Variants in KIF5C observed in about 807,000 individuals in gnomAD.
KIF5C encodes kinesin family member 5C.
In KIF5C, 18 loss-of-function variants were observed where a neutral mutation model predicts 125.2. That is an observed-to-expected ratio of 0.14 (90% confidence interval 0.10 to 0.21). The LOEUF is 0.21. KIF5C is among the 10% of genes least tolerant of loss of function. The pLI, the probability that KIF5C is intolerant of heterozygous loss-of-function variation, is 1.00. For missense variants in KIF5C, 780 were observed against 1,183.8 expected (o/e 0.66, Z 5.01); for synonymous variants, 405 against 434.0 (o/e 0.93, Z 0.83).
intron 12 of KIF5C, among the ~76,000 whole-genome samples, chr2:148,977,410 C>T (rs527947272): frequency 7.2e-5 from 11 of 152,112 alleles, no homozygotes; most frequent in East Asian, 1.9e-4. Context: ...GGTGGCTCTC[C>T]GATGGTAAAT....
intron 25 of KIF5C, among the ~76,000 whole-genome samples, chr2:149,021,877 A>G (rs1430079935): frequency 1.3e-5 from 2 of 152,116 alleles, no homozygotes; most frequent in South Asian, 2.1e-4. Context: ...GCTCTGCACA[A>G]AACCTATAGT....
chr2:148,884,971 GTTTTT>G (rs11319928), intron 1 of KIF5C, among the ~76,000 whole-genome samples: 1 of 104,294 alleles, frequency 9.6e-6, no homozygotes, highest in Non-Finnish European at 2.1e-5. Context: ...TGTCCTAATT[GTTTTT>G]TTTTTTTTTT....
intron 8 of KIF5C, among the ~76,000 whole-genome samples, chr2:148,949,107 A>G (rs1682595184): frequency 6.6e-6 from 1 of 152,164 alleles, no homozygotes; most frequent in Admixed American, 6.5e-5. Context: ...GACATGAATC[A>G]TGTTGAGTTC....
intron 1 of KIF5C, among the ~76,000 whole-genome samples, chr2:148,900,579 C>T (rs1369436806): frequency 6.6e-6 from 1 of 152,222 alleles, no homozygotes; most frequent in East Asian, 1.9e-4. Context: ...TTCCTGCCTC[C>T]TTTCTGACAG....
rs1381863341 is a variant in KIF5C, at chr2:148,997,117, T to C, written c.2024-147T>C. On this transcript the variant is annotated intron_variant, in intron 17 of 25. Transcript: ENST00000435030. ...TTGGCTTTAGCCAGAAGTCCTTGCC[T>C]GTTCCTTTATGCCATGGTTGTAATT... 2.2e-6 allele frequency: 3 copies of C among 1,353,140 alleles called. No homozygotes were observed. In the African/African-American group the frequency reaches 4.4e-5, roughly 20 times the overall value. The allele number at this position is 1,353,140 out of a possible 1,614,324, so 83.8% of individuals were successfully genotyped here. A position where few individuals can be genotyped will look rare whatever the true frequency, so the allele number is the denominator to read the frequency against.
intron 11 of KIF5C, among the ~76,000 whole-genome samples, chr2:148,971,198 T>C (rs1680892573): frequency 6.6e-6 from 1 of 152,182 alleles, no homozygotes; most frequent in Non-Finnish European, 1.5e-5. Flanking sequence ...CAAGTTTTAG[T>C]TGTATACTCC....
At chr2:148,953,790 G>A (rs978160194) in intron 10 of KIF5C, among the ~76,000 whole-genome samples, 3 of 152,140 alleles carry the variant, frequency 2.0e-5, no homozygotes, top group South Asian at 2.1e-4. Context: ...ATCCCTGAAG[G>A]CACTCTACCA....
chr2:148,904,014 G>C (rs551169605), intron 1 of KIF5C, among the ~76,000 whole-genome samples: 103 of 152,284 alleles, frequency 6.8e-4, no homozygotes, highest in African/African-American at 2.3e-3. Flanking sequence ...AAAATGTGAT[G>C]AATAATGTAT....
At chr2:148,998,021 T>G in intron 18 of KIF5C, 1 of 229,904 alleles carries the variant, frequency 4.3e-6, no homozygotes, top group Non-Finnish European at 8.8e-6. Flanking sequence ...TTATCTCAGT[T>G]TTACATGTGA....
intron 2 of KIF5C, among the ~76,000 whole-genome samples, chr2:148,922,803 C>G (rs1044537786): frequency 2.0e-5 from 3 of 152,204 alleles, no homozygotes; most frequent in Admixed American, 2.0e-4. Flanking sequence ...TTCAACCATC[C>G]CACCCAGATC....
chr2:148,944,267 T>C (rs1430983700), intron 7 of KIF5C, among the ~76,000 whole-genome samples: 3 of 152,316 alleles, frequency 2.0e-5, no homozygotes, highest in Admixed American at 2.0e-4. Context: ...CCACCTTCCA[T>C]CTCTAGAACT....
At chr2:148,957,004 A>G (rs1682806499) in intron 10 of KIF5C, among the ~76,000 whole-genome samples, 1 of 152,234 alleles carries the variant, frequency 6.6e-6, no homozygotes, top group Non-Finnish European at 1.5e-5. Flanking sequence ...CTCTATATCA[A>G]AGAGATAATG....
chr2:149,018,864 TTA>T (rs141821536), intron 25 of KIF5C, among the ~76,000 whole-genome samples: 10,432 of 150,058 alleles, frequency 0.07, 1,018 homozygotes, highest in African/African-American at 0.22. Flanking sequence ...ATCAATGAGT[TTA>T]TATATATATA....
rs961716407 is a variant in KIF5C at position 149,011,595 on chromosome 2, C to T, written c.2793C>T (p.Tyr931=). The change falls in exon 25 of 26, where the codon TAC becomes TAT. Residue 931 remains tyrosine (Y), a synonymous_variant. Coordinates refer to ENST00000435030, the MANE Select transcript of KIF5C (RefSeq NM_004522.3). ...QIAKPIRPGH[Y]PASSPTAVHA... ...CCAAGCCCATCCGCCCCGGACACTACCCGGCCTCATCTCCAACGGCCGTCC... is the reference window on the plus strand; with the variant it reads ...CCAAGCCCATCCGCCCCGGACACTATCCGGCCTCATCTCCAACGGCCGTCC... 12 of 1,613,952 alleles carry T rather than the reference C, an allele frequency of 7.4e-6. No homozygotes were observed. In the African/African-American group the frequency reaches 1.3e-4, roughly 18 times the overall value.
At chr2:148,899,994 G>A (rs1311115477) in intron 1 of KIF5C, among the ~76,000 whole-genome samples, 2 of 152,192 alleles carry the variant, frequency 1.3e-5, no homozygotes, top group African/African-American at 2.4e-5. Context: ...AGCTCAAACC[G>A]ATGCAGAGAC....
At chr2:149,014,702 G>T (rs1255448071) in intron 25 of KIF5C, among the ~76,000 whole-genome samples, 1 of 152,216 alleles carries the variant, frequency 6.6e-6, no homozygotes, top group Non-Finnish European at 1.5e-5. Context: ...AAAAATGTTA[G>T]CTGCTAGTAT....
At chr2:148,943,539 C>A (rs1321427205) in intron 7 of KIF5C, among the ~76,000 whole-genome samples, 1 of 151,988 alleles carries the variant, frequency 6.6e-6, no homozygotes, top group African/African-American at 2.4e-5. Flanking sequence ...TATATCTTAC[C>A]GTGTTGAAGG....
chr2:148,875,395 C>T lies in KIF5C; in HGVS notation c.-223C>T. ...CGGGGCAGGGCCAGGGCAGGCCGGT[C>T]TGCAGCCGGAGGGGCCGGAGCGGAG... On this transcript the variant is annotated 5_prime_UTR_variant, in exon 1 of 26. Transcript: ENST00000435030. The T allele has an allele frequency of 9.7e-6, 5 of 513,124 alleles. No individual in the cohort carries two copies. Among genetic ancestry groups the T allele is most frequent in the Non-Finnish European group, 1.7e-5 (5 of 291,886 alleles). 31.8% of individuals were successfully genotyped at this position (513,124 alleles called of 1,614,324 possible).
At chr2:148,913,696 G>A (rs903313056) in intron 1 of KIF5C, among the ~76,000 whole-genome samples, 1 of 152,110 alleles carries the variant, frequency 6.6e-6, no homozygotes, top group African/African-American at 2.4e-5. Flanking sequence ...GAGGTTTGTC[G>A]AGCGGCAGTT....
Sources: gnomAD v4.1 joint callset for allele counts (sites outside exome capture counted in the v4.1 genomes callset) on GRCh38, gnomAD v4.1.1 for gene constraint, MANE v1.5 for transcripts, NCBI Gene and HGNC (gene_info 2026-07-23, HGNC 2026-07-21) for gene names.